NOS2: variants seen among roughly 807,000 people sequenced by gnomAD.
The protein encoded by NOS2 is nitric oxide synthase, inducible.
In NOS2, 96 loss-of-function variants were observed where a neutral mutation model predicts 136.0. The ratio of observed to expected loss-of-function variants is 0.71; its 90% CI spans 0.60 to 0.84. The LOEUF (loss-of-function observed/expected upper bound fraction) is 0.84, where lower values mean the gene tolerates loss of function less well. NOS2 is among the 40% of genes least tolerant of loss of function. The pLI is 0.00. For missense variants in NOS2, 1,237 were observed against 1,496.9 expected (o/e 0.83, Z 2.87); for synonymous variants, 539 against 587.5 (o/e 0.92, Z 1.20).
rs201974745 is a variant in NOS2, at chr17:27,757,224, C to A, written c.*22G>T. 5 of 1,603,108 alleles carry A rather than the reference C, an allele frequency of 3.1e-6. No individual in the cohort carries two copies. Among genetic ancestry groups the A allele is most frequent in the Non-Finnish European group, 4.3e-6 (5 of 1,171,158 alleles). ...CCATCCTTAAGTTCTGTGCCGGCAG[C>A]TTTAACCCCTCCTGTAGGCCCTCAG... On this transcript the variant is annotated 3_prime_UTR_variant, in exon 27 of 27. Coordinates refer to ENST00000313735, the MANE Select transcript of NOS2 (RefSeq NM_000625.4).
chr17:27,799,977 C>A (rs1029846811), intron 1 of NOS2, among the ~76,000 whole-genome samples: 2 of 152,140 alleles, frequency 1.3e-5, no homozygotes, highest in Non-Finnish European at 2.9e-5. Flanking sequence ...CTCATTTATT[C>A]ATCCATAAAA....
intron 26 of NOS2, 55 bp from the exon 27 acceptor site, chr17:27,757,408 G>T: frequency 6.6e-7 from 1 of 1,513,344 alleles, no homozygotes; most frequent in Non-Finnish European, 9.1e-7. Context: ...ATGAGCCCCT[G>T]GGGTTGCCCA....
chr17:27,777,210 A>G (rs1248473534), intron 11 of NOS2, among the ~76,000 whole-genome samples: 1 of 152,210 alleles, frequency 6.6e-6, no homozygotes, highest in African/African-American at 2.4e-5. Flanking sequence ...CACCACTCAC[A>G]TCCTTGGCCC....
chr17:27,767,738 C>T lies in NOS2; in HGVS notation c.2134G>A (p.Val712Met), dbSNP rs771799683. The change falls in exon 18 of 27, where the codon GTG (valine) becomes ATG (methionine). Residue 712 changes from valine (V) to methionine (M), a missense_variant. Transcript: ENST00000313735. ...VTWDPHHYRLVQDSQPLDLSK... is the reference protein window; with the variant it reads ...VTWDPHHYRLMQDSQPLDLSK... ...AGGTCCAAAGGCTGTGAGTCCTGCA[C>T]GAGCCTGTAGTGGTGCGGGTCCCAG... is the stretch of plus-strand genomic sequence containing the variant. 2.5e-6 allele frequency: 4 copies of T among 1,613,594 alleles called. No homozygotes were observed. Among genetic ancestry groups the T allele is most frequent in the Non-Finnish European group, 2.5e-6 (3 of 1,180,006 alleles).
rs771690143 is a variant in NOS2 at position 27,798,781 on chromosome 17, T to G, written c.29A>C (p.Lys10Thr). 1.2e-6 allele frequency: 2 copies of G among 1,613,820 alleles called. No homozygotes were observed. The highest frequency in any genetic ancestry group is 1.7e-6 in the Non-Finnish European group (2 of 1,179,658). Residue 10 changes from lysine (K) to threonine (T), a missense_variant, in exon 2 of 27, where the codon AAG becomes ACG. Transcript: ENST00000313735. MACPWKFLFKTKFHQYAMNG... is the reference protein window; with the variant it reads MACPWKFLFTTKFHQYAMNG... ...CATTGCATACTGGTGGAATTTGGTC[T>G]TGAACAGAAATTTCCAAGGACAGGC... is the stretch of plus-strand genomic sequence containing the variant.
chr17:27,777,729 T>C (rs1908704629), intron 11 of NOS2, among the ~76,000 whole-genome samples: 1 of 152,120 alleles, frequency 6.6e-6, no homozygotes, highest in African/African-American at 2.4e-5. Context: ...GGAGCTTACA[T>C]TCTAGTGGGG....
intron 2 of NOS2, among the ~76,000 whole-genome samples, chr17:27,796,370 A>T (rs1010760306): frequency 6.6e-6 from 1 of 152,204 alleles, no homozygotes; most frequent in Non-Finnish European, 1.5e-5. Context: ...GAATCGCTTG[A>T]ACCTGGCAGG....
intron 2 of NOS2, among the ~76,000 whole-genome samples, chr17:27,796,302 T>C (rs1909352774): frequency 6.6e-6 from 1 of 151,800 alleles, no homozygotes; most frequent in Non-Finnish European, 1.5e-5. Context: ...ATACAAAAAT[T>C]AACCAGGCGT....
chr17:27,771,962 A>G (rs1021336823), intron 14 of NOS2, among the ~76,000 whole-genome samples: 7 of 152,182 alleles, frequency 4.6e-5, no homozygotes, highest in African/African-American at 1.7e-4. Context: ...GTTTATCTGA[A>G]GCTTACTCAT....
Position 27,778,868 on chromosome 17 carries a change from G to A in NOS2, c.1179+14C>T, listed in dbSNP as rs780716735. The A allele has an allele frequency of 2.8e-5, 45 of 1,609,946 alleles. No homozygotes were observed. Among genetic ancestry groups the A allele is most frequent in the Admixed American group, 1.7e-4 (10 of 59,874 alleles). On this transcript the variant is annotated intron_variant, in intron 10 of 26. Coordinates refer to ENST00000313735, the MANE Select transcript of NOS2 (RefSeq NM_000625.4). ...CCCACACCTTCATCTGGCCAGCTGGGCTGGCTGGGTTACCTCCAGGATGTT... is the reference window on the plus strand; with the variant it reads ...CCCACACCTTCATCTGGCCAGCTGGACTGGCTGGGTTACCTCCAGGATGTT...
At chr17:27,799,790 CA>C (rs35834812) in intron 1 of NOS2, among the ~76,000 whole-genome samples, 144 of 122,228 alleles carry the variant, frequency 1.2e-3, no homozygotes, top group Admixed American at 1.0e-3. Flanking sequence ...AGGCTGTTTC[CA>C]AAAAAAAAAA....
intron 2 of NOS2, among the ~76,000 whole-genome samples, chr17:27,795,789 T>C (rs565108561): frequency 6.6e-6 from 1 of 152,318 alleles, no homozygotes; most frequent in South Asian, 2.1e-4. Flanking sequence ...TCCCCTCTTC[T>C]ATCTGACTGG....
At chr17:27,767,079 A>C (rs1908328597) in intron 18 of NOS2, among the ~76,000 whole-genome samples, 1 of 152,106 alleles carries the variant, frequency 6.6e-6, no homozygotes, top group Admixed American at 6.6e-5. Context: ...GTGTTGGGAA[A>C]TTCAATTTAG....
rs1468774450 is a variant in NOS2, at chr17:27,772,267, C to T, written c.1704+41G>A. The T allele has an allele frequency of 1.9e-6, 3 of 1,612,360 alleles. No individual in the cohort carries two copies. The East Asian group carries it at 6.7e-5, about 36-fold the overall frequency. ...TTAACTTTTCCTAGACTCCCCTGCACACAAGCAGAAAAAACAACAGCCATC... is the reference window on the plus strand; with the variant it reads ...TTAACTTTTCCTAGACTCCCCTGCATACAAGCAGAAAAAACAACAGCCATC... On this transcript the variant is annotated intron_variant, in intron 14 of 26. Coordinates refer to ENST00000313735, the MANE Select transcript of NOS2 (RefSeq NM_000625.4).
intron 13 of NOS2, 63 bp downstream of exon 13, chr17:27,773,098 G>A: frequency 1.6e-6 from 2 of 1,288,424 alleles, no homozygotes; most frequent in South Asian, 2.4e-5. Context: ...TGGAGGCAGA[G>A]GCTGACTAGA....
rs113876125 is a variant in NOS2 at position 27,779,114 on chromosome 17, A to ATT, written c.1005-60_1005-59dup. 2.8e-4 allele frequency: 302 copies of ATT among 1,081,148 alleles called. No homozygotes were observed. The African/African-American group carries it at 3.5e-3, about 12-fold the overall frequency. The allele number at this position is 1,081,148 out of a possible 1,614,324, so 67.0% of individuals were successfully genotyped here. On this transcript the variant is annotated intron_variant, in intron 9 of 26. Transcript: ENST00000313735. ...CCTTCCTTATTTTTATTTTATTATTATTTTTTTTTTAGTGACTTGGTCTTG... is the reference window on the plus strand; with the variant it reads ...CCTTCCTTATTTTTATTTTATTATTATTTTTTTTTTTTAGTGACTTGGTCTTG...
At chr17:27,797,735 G>T (rs1909398443) in intron 2 of NOS2, among the ~76,000 whole-genome samples, 2 of 152,214 alleles carry the variant, frequency 1.3e-5, no homozygotes, top group Admixed American at 1.3e-4. Flanking sequence ...TTCCACCTGA[G>T]CGAGCCTCAA....
chr17:27,772,541 G>A (rs534028814), intron 13 of NOS2, 89 bp from the exon 14 acceptor site: 129 of 1,463,678 alleles, frequency 8.8e-5, no homozygotes, highest in South Asian at 2.9e-4. Flanking sequence ...AGGGGACAGC[G>A]TTTAATGTGG....
Position 27,757,118 on chromosome 17 carries a change from G to T in NOS2, c.*128C>A. ...AGGGCTTGATGGGGAGCAACGTTGA[G>T]GAAATAAGACTTGAGGCTGGGGGAT... On this transcript the variant is annotated 3_prime_UTR_variant, in exon 27 of 27. Coordinates refer to ENST00000313735, the MANE Select transcript of NOS2 (RefSeq NM_000625.4). The T allele has an allele frequency of 1.5e-6, 1 of 686,948 alleles. No homozygotes were observed. Among genetic ancestry groups the T allele is most frequent in the Non-Finnish European group, 2.4e-6 (1 of 418,826 alleles). 42.6% of individuals were successfully genotyped at this position (686,948 alleles called of 1,614,324 possible).
Sources: allele counts gnomAD v4.1 joint callset (sites outside exome capture counted in the v4.1 genomes callset), GRCh38; gene constraint gnomAD v4.1.1; transcripts MANE v1.5; gene names NCBI Gene and HGNC (gene_info 2026-07-23, HGNC 2026-07-21).